The following PAM variants were observed in gnomAD, a reference collection of about 807,000 sequenced individuals.
The protein encoded by PAM is peptidylglycine alpha-amidating monooxygenase, also known as peptidyl-glycine alpha-amidating monooxygenase.
PAM carries 72 observed loss-of-function variants against 122.1 expected under a neutral mutation model. That is an observed-to-expected ratio of 0.59 (90% confidence interval 0.49 to 0.72). The LOEUF is 0.72. PAM is among the 30% of genes least tolerant of loss of function. The pLI, the probability that PAM is intolerant of heterozygous loss-of-function variation, is 0.00. For synonymous variants in PAM, 389 were observed against 404.4 expected, an observed-to-expected ratio of 0.96 and a Z score of 0.46; for missense variants, 1,106 against 1,183.7, an observed-to-expected ratio of 0.93 and a Z score of 0.96.
At chr5:102,965,870 G>A (rs1230927122) in intron 14 of PAM, among the ~76,000 whole-genome samples, 1 of 151,980 alleles carries the variant, frequency 6.6e-6, no homozygotes, top group Non-Finnish European at 1.5e-5. Flanking sequence ...TATCAAATAA[G>A]CAGAATCAAG....
intron 1 of PAM, among the ~76,000 whole-genome samples, chr5:102,791,782 A>G (rs560473837): frequency 6.0e-4 from 91 of 152,222 alleles, no homozygotes; most frequent in African/African-American, 2.1e-3. Context: ...CCTGTCAATT[A>G]ATTAGTTGTA....
chr5:102,860,305 T>C (rs1783816226), intron 1 of PAM, among the ~76,000 whole-genome samples: 1 of 151,958 alleles, frequency 6.6e-6, no homozygotes. Context: ...TGGTATAAGG[T>C]GTTCACAAAG....
At chr5:102,831,466 CT>C (rs549379609) in intron 1 of PAM, among the ~76,000 whole-genome samples, 39 of 149,444 alleles carry the variant, frequency 2.6e-4, no homozygotes, top group African/African-American at 9.6e-4. Context: ...ATGCCATGAG[CT>C]TTTTTAAGGA....
chr5:102,849,737 C>T (rs1486612991), intron 1 of PAM, among the ~76,000 whole-genome samples: 1 of 152,012 alleles, frequency 6.6e-6, no homozygotes, highest in Non-Finnish European at 1.5e-5. Flanking sequence ...AGACTTAAAT[C>T]CTCATCTTCC....
chr5:102,763,059 T>C (rs956352924), intron 1 of PAM, among the ~76,000 whole-genome samples: 11 of 152,210 alleles, frequency 7.2e-5, no homozygotes, highest in African/African-American at 2.4e-4. Flanking sequence ...TTACTGTCAC[T>C]ACCTAAGTCA....
intron 3 of PAM, among the ~76,000 whole-genome samples, chr5:102,877,546 A>G (rs1180534680): frequency 6.6e-6 from 1 of 152,184 alleles, no homozygotes; most frequent in Non-Finnish European, 1.5e-5. Context: ...CTTGGAAACA[A>G]AAGTTTAGAA....
chr5:102,811,703 C>T (rs566891504), intron 1 of PAM, among the ~76,000 whole-genome samples: 62 of 152,310 alleles, frequency 4.1e-4, no homozygotes, highest in African/African-American at 1.4e-3. Flanking sequence ...ATTCACACAT[C>T]TGATATTTTT....
At position 102,823,905 on chromosome 5, in the gene PAM, G is replaced by A. The variant is rs545222478; in HGVS notation, c.-373-41918G>A. On this transcript the variant is annotated intron_variant, in intron 1 of 25. Transcript: ENST00000438793. Reference sequence around the variant, plus strand: ...TCAAATAGACCCTGACCATGAAAAAGATACTAGTTCTGCCCCCTTCTTCGT... The same window carrying A: ...TCAAATAGACCCTGACCATGAAAAAAATACTAGTTCTGCCCCCTTCTTCGT... Among the ~76,000 whole-genome samples the A allele has an allele frequency of 2.6e-5, 4 of 152,222 alleles. No individual in the cohort carries two copies. The East Asian group carries it at 7.7e-4, about 29-fold the overall frequency.
At chr5:102,959,026 A>G (rs989548762) in intron 12 of PAM, among the ~76,000 whole-genome samples, 3 of 152,168 alleles carry the variant, frequency 2.0e-5, no homozygotes, top group Non-Finnish European at 4.4e-5. Flanking sequence ...AATGCTAAAG[A>G]GAATGAAATA....
At chr5:102,946,218 C>T (rs951553754) in intron 7 of PAM, among the ~76,000 whole-genome samples, 4 of 152,122 alleles carry the variant, frequency 2.6e-5, no homozygotes, top group Admixed American at 2.6e-4. Context: ...GGCCTCCAGA[C>T]CACCTTGTTT....
intron 15 of PAM, among the ~76,000 whole-genome samples, chr5:102,989,390 C>T (rs1258593883): frequency 6.6e-6 from 1 of 151,924 alleles, no homozygotes; most frequent in East Asian, 1.9e-4. Flanking sequence ...ACCTATTGTC[C>T]CAGCTACTCA....
chr5:102,759,659 C>A (rs1462893954), intron 1 of PAM, among the ~76,000 whole-genome samples: 1 of 152,140 alleles, frequency 6.6e-6, no homozygotes, highest in African/African-American at 2.4e-5. Flanking sequence ...GGAATTCAAC[C>A]TAGGGCCACC....
downstream of PAM, chr5:103,030,063 G>A (rs1418674579): frequency 6.6e-6 from 1 of 152,102 alleles, no homozygotes; most frequent in Non-Finnish European, 1.5e-5. Context: ...ACTAATAATA[G>A]TTTTCCTTTT....
At chr5:102,906,791 T>C (rs1799687798) in intron 4 of PAM, among the ~76,000 whole-genome samples, 3 of 151,658 alleles carry the variant, frequency 2.0e-5, no homozygotes, top group African/African-American at 7.3e-5. Flanking sequence ...ATTGGAAATG[T>C]AGTGAGCTAG....
At chr5:102,873,134 T>G (rs1788056396) in intron 3 of PAM, among the ~76,000 whole-genome samples, 1 of 152,198 alleles carries the variant, frequency 6.6e-6, no homozygotes, top group Non-Finnish European at 1.5e-5. Context: ...GGAATAAGTT[T>G]TTAGTACTTT....
Position 102,827,702 on chromosome 5 carries a change from C to G in PAM, c.-373-38121C>G, listed in dbSNP as rs531092841. 9.9e-3 allele frequency among the ~76,000 whole-genome samples: 78 copies of G among 7,898 alleles called. 21 individuals are homozygous for G. The highest frequency in any genetic ancestry group is 8.7e-3 in the African/African-American group (6 of 688). The allele number at this position is 7,898 out of a possible 152,430, so 5.2% of individuals were successfully genotyped here. ...TTTTTTTTTTTTTTTTTTTTTGAGA[C>G]GGAGTCTCGCTCTGTCGCCCAGGCC... On this transcript the variant is annotated intron_variant, in intron 1 of 25. Coordinates refer to ENST00000438793, the MANE Select transcript of PAM (RefSeq NM_001177306.2).
At chr5:102,836,488 C>T (rs918188198) in intron 1 of PAM, among the ~76,000 whole-genome samples, 14 of 152,088 alleles carry the variant, frequency 9.2e-5, no homozygotes, top group Non-Finnish European at 2.1e-4. Context: ...ACCTTGGCCT[C>T]CCAAAATGCT....
chr5:102,866,977 CAT>C (rs1283800140), intron 2 of PAM, among the ~76,000 whole-genome samples: 16 of 152,060 alleles, frequency 1.1e-4, no homozygotes, highest in South Asian at 4.1e-4. Flanking sequence ...TTTTATATGA[CAT>C]AATTTTTTAT....
intron 3 of PAM, 84 bp downstream of exon 3, chr5:102,867,477 G>A (rs1785983104): frequency 2.0e-6 from 2 of 991,718 alleles, no homozygotes; most frequent in Admixed American, 2.2e-5. Context: ...TACAGCTGTA[G>A]GAACTTCTTT....
Sources: gnomAD v4.1 joint callset for allele counts (sites outside exome capture counted in the v4.1 genomes callset) on GRCh38, gnomAD v4.1.1 for gene constraint, MANE v1.5 for transcripts, NCBI Gene and HGNC (gene_info 2026-07-23, HGNC 2026-07-21) for gene names.